ACAP2: variants seen among roughly 807,000 people sequenced by gnomAD.
ACAP2 encodes the protein ArfGAP with coiled-coil, ankyrin repeat and PH domains 2.
ACAP2 carries 39 observed loss-of-function variants against 115.8 expected under a neutral mutation model. The observed-to-expected ratio is 0.34, with a 90% CI of 0.26 to 0.44. The LOEUF is 0.44. Among genes scored for constraint, ACAP2 ranks in the 20% least tolerant of loss-of-function variants. The pLI, the probability that ACAP2 is intolerant of heterozygous loss-of-function variation, is 1.00. For missense variants in ACAP2, 662 were observed against 927.6 expected (o/e 0.71, Z 3.72); for synonymous variants, 289 against 315.8 (o/e 0.92, Z 0.90).
intron 4 of ACAP2, among the ~76,000 whole-genome samples, chr3:195,377,891 C>T (rs989924314): frequency 1.3e-5 from 2 of 152,144 alleles, no homozygotes; most frequent in African/African-American, 4.8e-5. Context: ...GAAACATGTA[C>T]GTAAACACAA....
At chr3:195,337,057 A>T (rs1482131548) in intron 6 of ACAP2, 81 bp from the exon 7 acceptor site, 1 of 1,286,606 alleles carries the variant, frequency 7.8e-7, no homozygotes, top group East Asian at 2.5e-5. Flanking sequence ...AGCTTATTTT[A>T]ATGGTTTAAT....
intron 15 of ACAP2, among the ~76,000 whole-genome samples, chr3:195,299,542 CAA>C (rs61602807): frequency 4.8e-5 from 5 of 103,664 alleles, no homozygotes; most frequent in Admixed American, 1.1e-4. Flanking sequence ...GACTCCGTCT[CAA>C]AAAAAAAAAA....
intron 4 of ACAP2, chr3:195,356,100 T>C (rs759068913): frequency 1.3e-5 from 6 of 456,480 alleles, no homozygotes; most frequent in African/African-American, 4.0e-5. Context: ...GTGAAGAGGA[T>C]AGAAAAGACA....
intron 5 of ACAP2, among the ~76,000 whole-genome samples, chr3:195,343,976 G>A (rs1731036749): frequency 6.6e-6 from 1 of 152,174 alleles, no homozygotes; most frequent in Non-Finnish European, 1.5e-5. Flanking sequence ...GGGAGGTTAA[G>A]GTAAGAAAAC....
chr3:195,381,771 A>T, intron 3 of ACAP2, 132 bp downstream of exon 3: 1 of 1,013,468 alleles, frequency 9.9e-7, no homozygotes, highest in Non-Finnish European at 1.4e-6. Flanking sequence ...AGAGAGCACC[A>T]AGGGGTGACC....
Position 195,295,815 on chromosome 3 carries a change from G to C in ACAP2, c.1565C>G (p.Pro522Arg). 1.2e-6 allele frequency: 2 copies of C among 1,613,964 alleles called. No homozygotes were observed. The highest frequency in any genetic ancestry group is 2.7e-5 in the African/African-American group (2 of 74,998). ...GACAAACTTTTTTTGCTGCTCAGGA[G>C]GTGATAATGATATAGAATATTTATC... is the stretch of plus-strand genomic sequence containing the variant. ...FVDKYSISLS[P>R]PEQQKKFVSK... The change falls in exon 17 of 23, where the codon CCT becomes CGT. Residue 522 changes from proline (P) to arginine (R), a missense_variant. By Grantham distance (103) the Pro-to-Arg change is moderately radical (BLOSUM62 -2). Coordinates refer to ENST00000326793, the MANE Select transcript of ACAP2 (RefSeq NM_012287.6).
intron 8 of ACAP2, among the ~76,000 whole-genome samples, chr3:195,331,273 C>G (rs1730147444): frequency 6.6e-6 from 1 of 152,076 alleles, no homozygotes; most frequent in Non-Finnish European, 1.5e-5. Context: ...CTCACATATA[C>G]TCTGGTCAGT....
At chr3:195,294,936 C>A in intron 17 of ACAP2, 125 bp from the exon 18 acceptor site, 1 of 551,948 alleles carries the variant, frequency 1.8e-6, no homozygotes. Flanking sequence ...AAGGAGAATG[C>A]ATTTAATATA....
At chr3:195,429,959 T>C (rs955941997) in intron 1 of ACAP2, among the ~76,000 whole-genome samples, 1 of 152,328 alleles carries the variant, frequency 6.6e-6, no homozygotes, top group Non-Finnish European at 1.5e-5. Flanking sequence ...TTAAACTGGA[T>C]AATGAGGGGT....
At chr3:195,285,702 C>A in intron 22 of ACAP2, 94 bp downstream of exon 22, 1 of 1,056,758 alleles carries the variant, frequency 9.5e-7, no homozygotes, top group Admixed American at 2.3e-5. Flanking sequence ...CATTAGTTTG[C>A]TAAAGAACTA....
chr3:195,332,324 C>T (rs1730226632), intron 8 of ACAP2, among the ~76,000 whole-genome samples: 1 of 151,966 alleles, frequency 6.6e-6, no homozygotes, highest in Non-Finnish European at 1.5e-5. Flanking sequence ...GGAACAATAA[C>T]TCAATTATCC....
chr3:195,410,239 T>C (rs961307994), intron 1 of ACAP2, among the ~76,000 whole-genome samples: 2 of 152,156 alleles, frequency 1.3e-5, no homozygotes, highest in Admixed American at 1.3e-4. Flanking sequence ...ATGAAGACCC[T>C]TACCTAACAC....
At chr3:195,283,443 T>C (rs1333607276) in intron 22 of ACAP2, among the ~76,000 whole-genome samples, 1 of 152,192 alleles carries the variant, frequency 6.6e-6, no homozygotes, top group Non-Finnish European at 1.5e-5. Context: ...ATAAGAGCTC[T>C]TCATTATCAA....
intron 1 of ACAP2, chr3:195,442,119 A>G (rs1048121341): frequency 6.6e-6 from 1 of 152,358 alleles, no homozygotes; most frequent in South Asian, 2.0e-4. Flanking sequence ...CCCTTCAACG[A>G]GCTTAAGTGG....
intron 13 of ACAP2, among the ~76,000 whole-genome samples, chr3:195,304,672 T>C (rs1490396555): frequency 6.6e-6 from 1 of 152,178 alleles, no homozygotes; most frequent in Non-Finnish European, 1.5e-5. Flanking sequence ...TATGCTAAGA[T>C]ACCCAGTGCT....
intron 6 of ACAP2, among the ~76,000 whole-genome samples, chr3:195,342,041 C>T (rs927867901): frequency 1.3e-5 from 2 of 152,030 alleles, no homozygotes; most frequent in African/African-American, 4.8e-5. Flanking sequence ...CTGTTGGGTA[C>T]AATGTATACT....
intron 15 of ACAP2, among the ~76,000 whole-genome samples, chr3:195,300,044 CTTTTTTTTTTTTT>C (rs765234326): frequency 2.3e-4 from 8 of 34,366 alleles, no homozygotes; most frequent in African/African-American, 4.2e-4. Flanking sequence ...CTTTTTTTTT[CTTTTTTTTTTTTT>C]TTTTTTTGAG....
intron 1 of ACAP2, among the ~76,000 whole-genome samples, chr3:195,426,186 T>C (rs1239040241): frequency 6.6e-6 from 1 of 152,178 alleles, no homozygotes; most frequent in African/African-American, 2.4e-5. Context: ...CTTCCGTTCC[T>C]TGAAGATCAA....
chr3:195,354,926 T>C (rs984305964), intron 4 of ACAP2, among the ~76,000 whole-genome samples: 4 of 152,236 alleles, frequency 2.6e-5, no homozygotes, highest in Non-Finnish European at 5.9e-5. Flanking sequence ...TGCAATGGCA[T>C]GATCTCAGCT....
Sources: allele counts gnomAD v4.1 joint callset (sites outside exome capture counted in the v4.1 genomes callset), GRCh38; gene constraint gnomAD v4.1.1; transcripts MANE v1.5; gene names NCBI Gene and HGNC (gene_info 2026-07-23, HGNC 2026-07-21).